ECPAS: variants seen among roughly 807,000 people sequenced by gnomAD.
The protein encoded by ECPAS is Ecm29 proteasome adaptor and scaffold, also known as proteasome adapter and scaffold protein ECM29.
Under a neutral mutation model 255.1 loss-of-function variants are expected in ECPAS, and 70 were observed. The ratio of observed to expected loss-of-function variants is 0.27; its 90% CI spans 0.23 to 0.33. ECPAS has a LOEUF of 0.33. ECPAS is among the 10% of genes least tolerant of loss of function. The pLI, the probability that ECPAS is intolerant of heterozygous loss-of-function variation, is 1.00. For synonymous variants in ECPAS, 784 were observed against 775.0 expected (o/e 1.01, Z -0.19); for missense variants, 1,817 against 2,206.4 (o/e 0.82, Z 3.54).
chr9:111,440,935 C>T (rs557374221), intron 5 of ECPAS, among the ~76,000 whole-genome samples: 7 of 151,804 alleles, frequency 4.6e-5, no homozygotes, highest in African/African-American at 7.2e-5. Flanking sequence ...GAGGCCGAGG[C>T]GGGCAGATGA....
chr9:111,366,762 A>G lies in ECPAS; in HGVS notation c.5114-135T>C, dbSNP rs1589107442. 1.6e-5 allele frequency: 10 copies of G among 626,258 alleles called. No individual in the cohort carries two copies. In the East Asian group the frequency reaches 2.8e-4, roughly 17 times the overall value. 38.8% of individuals were successfully genotyped at this position (626,258 alleles called of 1,614,324 possible). A position where few individuals can be genotyped will look rare whatever the true frequency, so the allele number is the denominator to read the frequency against. On this transcript the variant is annotated intron_variant, in intron 46 of 49. Coordinates refer to ENST00000684092, the MANE Select transcript of ECPAS (RefSeq NM_001364929.1). ...AAAGAGAGAAGGTGGGGAGGATAAG[A>G]GAGAGAAAAGCAGGAAAAAGAGAAA...
At chr9:111,456,455 C>A (rs2098267090) in intron 2 of ECPAS, among the ~76,000 whole-genome samples, 1 of 152,158 alleles carries the variant, frequency 6.6e-6, no homozygotes, top group South Asian at 2.1e-4. Flanking sequence ...AAGAATGACC[C>A]TATTTTCTAT....
intron 13 of ECPAS, among the ~76,000 whole-genome samples, chr9:111,422,467 A>T (rs117961590): frequency 0.012 from 1,832 of 152,332 alleles, 24 homozygotes; most frequent in Non-Finnish European, 0.02. Context: ...AAATTAGGTA[A>T]GACCAAACTG....
At chr9:111,450,138 C>T (rs2098258402) in intron 3 of ECPAS, among the ~76,000 whole-genome samples, 1 of 152,154 alleles carries the variant, frequency 6.6e-6, no homozygotes, top group South Asian at 2.1e-4. Context: ...CATCATTCAT[C>T]ACCATATCCC....
At chr9:111,381,775 C>T (rs1261429535) in intron 35 of ECPAS, among the ~76,000 whole-genome samples, 1 of 152,072 alleles carries the variant, frequency 6.6e-6, no homozygotes, top group African/African-American at 2.4e-5. Flanking sequence ...ATCAAGTATC[C>T]AAATTTCTCT....
chr9:111,434,896 C>CTTTTT (rs3031129), intron 7 of ECPAS, among the ~76,000 whole-genome samples: 2,222 of 92,098 alleles, frequency 0.024, 152 homozygotes, highest in Non-Finnish European at 0.031. Context: ...CCACATCTGG[C>CTTTTT]TTTTTTTTTT....
chr9:111,439,005 G>A (rs563913035), intron 6 of ECPAS, among the ~76,000 whole-genome samples: 3 of 152,306 alleles, frequency 2.0e-5, no homozygotes, highest in African/African-American at 7.2e-5. Flanking sequence ...GACAAAATAA[G>A]TAGACCAGAA....
intron 2 of ECPAS, among the ~76,000 whole-genome samples, chr9:111,471,209 C>A (rs1413269055): frequency 6.6e-6 from 1 of 152,146 alleles, no homozygotes; most frequent in Non-Finnish European, 1.5e-5. Flanking sequence ...GACATTAACA[C>A]ATCAATCACA....
intron 10 of ECPAS, among the ~76,000 whole-genome samples, chr9:111,426,195 TAC>T (rs2098221311): frequency 6.6e-6 from 1 of 152,202 alleles, no homozygotes; most frequent in East Asian, 1.9e-4. Context: ...GGAAATATTC[TAC>T]AAGTGTCCCA....
intron 25 of ECPAS, among the ~76,000 whole-genome samples, chr9:111,396,348 A>G (rs1250569490): frequency 6.6e-6 from 1 of 152,230 alleles, no homozygotes; most frequent in Non-Finnish European, 1.5e-5. Context: ...GTGTACCTAG[A>G]GCGCTAGCAG....
intron 12 of ECPAS, among the ~76,000 whole-genome samples, chr9:111,425,189 A>C (rs1222143473): frequency 6.6e-6 from 1 of 151,680 alleles, no homozygotes; most frequent in Non-Finnish European, 1.5e-5. Context: ...TCCATCTCAA[A>C]AAAAAAAAAA....
intron 31 of ECPAS, among the ~76,000 whole-genome samples, chr9:111,386,874 C>T (rs1158851885): frequency 6.6e-6 from 1 of 152,228 alleles, no homozygotes; most frequent in African/African-American, 2.4e-5. Context: ...TTCATATTAG[C>T]CATCCTTTCC....
At chr9:111,374,888 G>A (rs959521778) in intron 38 of ECPAS, among the ~76,000 whole-genome samples, 5 of 152,194 alleles carry the variant, frequency 3.3e-5, no homozygotes, top group African/African-American at 9.7e-5. Flanking sequence ...CCAGAGAACA[G>A]AAATGATTCC....
chr9:111,426,694 C>CAA (rs11326973), intron 10 of ECPAS, among the ~76,000 whole-genome samples: 5 of 130,916 alleles, frequency 3.8e-5, no homozygotes, highest in Middle Eastern at 3.6e-3. Flanking sequence ...TGTCTCACTT[C>CAA]AAAAAAAAAA....
At chr9:111,417,041 A>T (rs896567032) in intron 17 of ECPAS, among the ~76,000 whole-genome samples, 4 of 152,088 alleles carry the variant, frequency 2.6e-5, no homozygotes, top group Non-Finnish European at 4.4e-5. Flanking sequence ...AAAAAGGAGA[A>T]CCAGCGTGGG....
chr9:111,389,908 T>C, intron 30 of ECPAS, 76 bp downstream of exon 30: 1 of 1,188,822 alleles, frequency 8.4e-7, no homozygotes, highest in South Asian at 1.4e-5. Context: ...CTACATACCA[T>C]TTGCCACTGT....
At chr9:111,372,049 A>G (rs571907368) in intron 42 of ECPAS, among the ~76,000 whole-genome samples, 111 of 152,332 alleles carry the variant, frequency 7.3e-4, no homozygotes, top group Middle Eastern at 6.8e-3. Flanking sequence ...CGTATCACAC[A>G]AATGGGCATC....
intron 8 of ECPAS, among the ~76,000 whole-genome samples, chr9:111,432,684 T>A (rs1365971505): frequency 6.6e-6 from 1 of 152,248 alleles, no homozygotes; most frequent in African/African-American, 2.4e-5. Context: ...TAACCACTGC[T>A]ACTGGTATCC....
chr9:111,393,317 A>G (rs2098162995), intron 27 of ECPAS, among the ~76,000 whole-genome samples: 1 of 152,240 alleles, frequency 6.6e-6, no homozygotes, highest in Non-Finnish European at 1.5e-5. Flanking sequence ...TTTAACACAT[A>G]TACGTTCACT....
Sources: gnomAD v4.1 joint callset for allele counts (sites outside exome capture counted in the v4.1 genomes callset) on GRCh38, gnomAD v4.1.1 for gene constraint, MANE v1.5 for transcripts, NCBI Gene and HGNC (gene_info 2026-07-23, HGNC 2026-07-21) for gene names.